Variants in MMS22L observed in about 807,000 individuals in gnomAD.
MMS22L encodes protein MMS22-like.
A neutral mutation model predicts 159.1 loss-of-function variants in MMS22L; 74 were observed. The ratio of observed to expected loss-of-function variants is 0.47; its 90% CI spans 0.39 to 0.56. The LOEUF is 0.56. Ranked by LOEUF, MMS22L falls within the 20% of genes least tolerant of loss-of-function variation. MMS22L has a pLI of 0.00. For synonymous variants in MMS22L, 517 were observed against 506.9 expected, an observed-to-expected ratio of 1.02 and a Z score of -0.27; for missense variants, 1,351 against 1,422.1, an observed-to-expected ratio of 0.95 and a Z score of 0.80.
intron 14 of MMS22L, among the ~76,000 whole-genome samples, chr6:97,217,783 G>A (rs1809180932): frequency 6.6e-6 from 1 of 152,116 alleles, no homozygotes; most frequent in African/African-American, 2.4e-5. Context: ...ACCCTGCTGT[G>A]ATTCTATTTT....
At chr6:97,225,016 T>C (rs1810070114) in intron 14 of MMS22L, among the ~76,000 whole-genome samples, 1 of 152,204 alleles carries the variant, frequency 6.6e-6, no homozygotes, top group Admixed American at 6.5e-5. Context: ...TGTGTTATTT[T>C]AGATGAGCCA....
chr6:97,163,586 A>T (rs1184753818), intron 21 of MMS22L, among the ~76,000 whole-genome samples: 5 of 152,108 alleles, frequency 3.3e-5, no homozygotes, highest in African/African-American at 1.2e-4. Context: ...AGCATCTGTC[A>T]TTTAGTTTGT....
rs557967398 is a variant in MMS22L, at chr6:97,268,634, G to A, written c.698-632C>T. Among the ~76,000 whole-genome samples the A allele has an allele frequency of 2.0e-5, 3 of 151,432 alleles. No homozygotes were observed. The South Asian group carries it at 6.3e-4, about 32-fold the overall frequency. Reference sequence around the variant, plus strand: ...TTCATCCACATTTCTAACCAACAAAGCCTTTAAAACATTATTTTTTTAACA... The same window carrying A: ...TTCATCCACATTTCTAACCAACAAAACCTTTAAAACATTATTTTTTTAACA... On this transcript the variant is annotated intron_variant, in intron 7 of 24. Coordinates refer to ENST00000683635, the MANE Select transcript of MMS22L (RefSeq NM_001350599.2).
chr6:97,159,948 G>GTTT (rs368455553), intron 22 of MMS22L, among the ~76,000 whole-genome samples: 1,208 of 97,122 alleles, frequency 0.012, 47 homozygotes, highest in African/African-American at 0.036. Flanking sequence ...TATCATTTCT[G>GTTT]TTTTTTTTTT....
chr6:97,220,957 GACACACACACACACACAC>G (rs71012586), intron 14 of MMS22L, among the ~76,000 whole-genome samples: 13 of 143,496 alleles, frequency 9.1e-5, no homozygotes, highest in South Asian at 4.6e-4. Flanking sequence ...TAAGACCCCT[GACACACACACACACACAC>G]ACACACACAC....
intron 12 of MMS22L, 125 bp from the exon 13 acceptor site, chr6:97,231,777 T>C: frequency 1.5e-6 from 1 of 665,500 alleles, no homozygotes; most frequent in Admixed American, 2.9e-5. Flanking sequence ...AAAAACTACA[T>C]GAACACGATT....
intron 14 of MMS22L, among the ~76,000 whole-genome samples, chr6:97,202,767 TAA>T (rs1807313720): frequency 6.6e-6 from 1 of 152,174 alleles, no homozygotes; most frequent in Non-Finnish European, 1.5e-5. Context: ...CTTGAAGGTT[TAA>T]AAGAGTACCT....
chr6:97,220,993 C>G (rs1353034245), intron 14 of MMS22L, among the ~76,000 whole-genome samples: 1 of 118,278 alleles, frequency 8.5e-6, no homozygotes, highest in East Asian at 2.1e-4. Flanking sequence ...CACACACACA[C>G]ACACACACAC....
intron 2 of MMS22L, 94 bp from the exon 3 acceptor site, chr6:97,281,456 A>T (rs925518159): frequency 9.6e-7 from 1 of 1,041,042 alleles, no homozygotes; most frequent in Non-Finnish European, 1.4e-6. Context: ...CATATTATAC[A>T]TGACATGTAT....
At chr6:97,151,980 AT>A in intron 22 of MMS22L, 113 bp from the exon 23 acceptor site, 1 of 719,546 alleles carries the variant, frequency 1.4e-6, no homozygotes, top group South Asian at 2.2e-5. Context: ...AAGTATGTAC[AT>A]CCTTTTTCTA....
rs770760930 is a variant in MMS22L at position 97,179,432 on chromosome 6, C to G, written c.2512G>C (p.Asp838His). The change falls in exon 17 of 25, where the codon GAT becomes CAT. Residue 838 changes from aspartate to histidine, a missense_variant. Transcript: ENST00000683635. ...NLSGPDDLLI[D>H]KNLEEAVEKE... ...CCAACTGCCTCTTCCAGATTTTTAT[C>G]TATGAGCAAATCATCAGGCCCAGAG... The G allele has an allele frequency of 1.2e-6, 2 of 1,612,428 alleles. No homozygotes were observed. The highest frequency in any genetic ancestry group is 2.2e-5 in the South Asian group (2 of 90,618).
At chr6:97,180,323 G>A (rs1433809817) in intron 16 of MMS22L, among the ~76,000 whole-genome samples, 4 of 152,042 alleles carry the variant, frequency 2.6e-5, no homozygotes, top group Admixed American at 6.6e-5. Flanking sequence ...GGATGGTCTC[G>A]ATCTCCTGAC....
In MMS22L at chr6:97,144,840, CAT is replaced by C. The variant is rs1438367871; in HGVS notation, c.*1964_*1965del. ...AAATACAAAACATATAATACACACA[CAT>C]ATTGTTACACACTTTGTTGTTACCA... On this transcript the variant is annotated 3_prime_UTR_variant, in exon 25 of 25. Transcript: ENST00000683635. 6.6e-6 allele frequency: 1 copy of C among 151,938 alleles called. No homozygotes were observed. The highest frequency in any genetic ancestry group is 1.5e-5 in the Non-Finnish European group (1 of 67,992). 9.4% of individuals were successfully genotyped at this position (151,938 alleles called of 1,614,324 possible). A position where few individuals can be genotyped will look rare whatever the true frequency, so the allele number is the denominator to read the frequency against.
chr6:97,165,519 GAA>G (rs1454280858), intron 20 of MMS22L, 62 bp from the exon 21 acceptor site: 3 of 1,365,176 alleles, frequency 2.2e-6, no homozygotes. Context: ...ACAATATTTA[GAA>G]ACTCACTAAT....
rs1175709585 is a variant in MMS22L, at chr6:97,179,483, C to G, written c.2461G>C (p.Val821Leu). 6.2e-7 allele frequency: 1 copy of G among 1,613,544 alleles called. No homozygotes were observed. The highest frequency in any genetic ancestry group is 1.7e-5 in the Admixed American group (1 of 59,984). ...ALTVRSWIRC[V>L]LQMYIKNLSG... ...AGGTTTTTAATATACATTTGCAAAACACAACGAATCCATGATCTTACGGTT... is the reference window on the plus strand; with the variant it reads ...AGGTTTTTAATATACATTTGCAAAAGACAACGAATCCATGATCTTACGGTT... Residue 821 changes from valine (V) to leucine (L), a missense_variant, in exon 17 of 25, where the codon GTT (valine) becomes CTT (leucine). Val to Leu is a conservative substitution (Grantham distance 32, BLOSUM62 1). Coordinates refer to ENST00000683635, the MANE Select transcript of MMS22L (RefSeq NM_001350599.2).
intron 14 of MMS22L, among the ~76,000 whole-genome samples, chr6:97,203,248 T>C (rs1033801214): frequency 2.0e-5 from 3 of 152,212 alleles, no homozygotes; most frequent in Non-Finnish European, 2.9e-5. Context: ...CAGATGCTTT[T>C]TGTAAGATTT....
chr6:97,168,619 G>A (rs1384523645), intron 19 of MMS22L, among the ~76,000 whole-genome samples: 2 of 151,830 alleles, frequency 1.3e-5, no homozygotes, highest in Non-Finnish European at 2.9e-5. Context: ...TTGGATTAGG[G>A]GTGCTCAACT....
At chr6:97,271,237 T>C (rs1815705565) in intron 6 of MMS22L, 1 of 152,178 alleles carries the variant, frequency 6.6e-6, no homozygotes, top group South Asian at 2.1e-4. Flanking sequence ...TTTTTTATTT[T>C]TTGAAGACTG....
chr6:97,246,148 T>C (rs760681409), intron 11 of MMS22L: 5 of 454,132 alleles, frequency 1.1e-5, no homozygotes, highest in South Asian at 7.8e-5. Flanking sequence ...AAGCACTACA[T>C]TAACAGCTCT....
Sources: allele counts gnomAD v4.1 joint callset (sites outside exome capture counted in the v4.1 genomes callset), GRCh38; gene constraint gnomAD v4.1.1; transcripts MANE v1.5; gene names NCBI Gene and HGNC (gene_info 2026-07-23, HGNC 2026-07-21).